Variants in ILDR1 observed in about 807,000 individuals in gnomAD.
ILDR1 encodes the protein immunoglobulin-like domain-containing receptor 1.
In ILDR1, 56 loss-of-function variants were observed where a neutral mutation model predicts 62.4. The ratio of observed to expected loss-of-function variants is 0.90; its 90% CI spans 0.72 to 1.12. The LOEUF is 1.12. ILDR1 is among the 50% of genes most tolerant of loss of function. ILDR1 has a pLI of 0.00. For missense variants in ILDR1, 736 were observed against 710.6 expected (o/e 1.04, Z -0.41); for synonymous variants, 284 against 277.8 (o/e 1.02, Z -0.22).
chr3:121,991,641 A>G (rs1465309816), intron 7 of ILDR1, among the ~76,000 whole-genome samples: 1 of 152,198 alleles, frequency 6.6e-6, no homozygotes, highest in Non-Finnish European at 1.5e-5. Context: ...TATTTTGTTG[A>G]TCCTTGTCAC....
the ILDR1 span, among the ~76,000 whole-genome samples, chr3:122,031,584 C>T: frequency 6.6e-6 from 1 of 152,274 alleles, no homozygotes; most frequent in Admixed American, 6.5e-5. Context: ...GTGATTAGGT[C>T]ATGAGGTTGG....
At chr3:121,996,498 C>T (rs1457667894) in intron 5 of ILDR1, among the ~76,000 whole-genome samples, 1 of 152,210 alleles carries the variant, frequency 6.6e-6, no homozygotes, top group Non-Finnish European at 1.5e-5. Context: ...TCCCTGAAAA[C>T]AGCCTCACGG....
chr3:122,000,460 T>C (rs970821080), intron 5 of ILDR1, among the ~76,000 whole-genome samples: 4 of 152,238 alleles, frequency 2.6e-5, no homozygotes, highest in African/African-American at 9.6e-5. Context: ...GTGGCACACC[T>C]GGAGAGGACA....
chr3:122,051,233 T>G, the ILDR1 span, among the ~76,000 whole-genome samples: 1 of 152,226 alleles, frequency 6.6e-6, no homozygotes. Context: ...ACCCTTCTCT[T>G]TCTTGGACTG....
chr3:122,012,672 A>G (rs2071721751), intron 1 of ILDR1, among the ~76,000 whole-genome samples: 2 of 152,196 alleles, frequency 1.3e-5, no homozygotes, highest in African/African-American at 4.8e-5. Context: ...TGAGCATAAA[A>G]AAATGTCCCC....
intron 1 of ILDR1, among the ~76,000 whole-genome samples, chr3:122,009,415 T>C (rs551181897): frequency 2.1e-5 from 3 of 142,070 alleles, no homozygotes; most frequent in South Asian, 4.9e-4. Context: ...TAATATTTAC[T>C]TGAATTTTGG....
At position 122,022,029 on chromosome 3, in the gene ILDR1, G is replaced by A. The variant is rs758546534; in HGVS notation, c.49C>T (p.Leu17Phe). The A allele has an allele frequency of 5.0e-6, 8 of 1,611,330 alleles. No individual in the cohort carries two copies. Among genetic ancestry groups the A allele is most frequent in the Non-Finnish European group, 6.8e-6 (8 of 1,178,872 alleles). ...TTTTTCCAAGGCTCACCTGCTGGGAGCCAGGTGCAGAGCAGCAGCCAAGGT... is the reference window on the plus strand; with the variant it reads ...TTTTTCCAAGGCTCACCTGCTGGGAACCAGGTGCAGAGCAGCAGCCAAGGT... Reference protein sequence around the residue: ...PAPWLLLCTWLPAGCLSLLVT... With the variant: ...PAPWLLLCTWFPAGCLSLLVT... The change falls in exon 1 of 8, where the codon CTC becomes TTC. Residue 17 changes from leucine (L) to phenylalanine (F), a missense_variant. Transcript: ENST00000344209.
the ILDR1 span, chr3:122,055,440 G>C: frequency 6.3e-7 from 1 of 1,599,066 alleles, no homozygotes; most frequent in Non-Finnish European, 8.6e-7. Flanking sequence ...ACAGACACAC[G>C]GATGAGTGGG....
the ILDR1 span, among the ~76,000 whole-genome samples, chr3:122,048,535 C>T: frequency 6.6e-6 from 1 of 152,162 alleles, no homozygotes; most frequent in Admixed American, 6.5e-5. Flanking sequence ...TAGAATTCAC[C>T]AGTGAAGTCA....
At chr3:122,011,546 CA>C (rs1398530283) in intron 1 of ILDR1, among the ~76,000 whole-genome samples, 2 of 152,026 alleles carry the variant, frequency 1.3e-5, no homozygotes, top group African/African-American at 2.4e-5. Context: ...CCAGGTTCAA[CA>C]AGTTCTGGCC....
At chr3:122,055,882 G>GA in the ILDR1 span, among the ~76,000 whole-genome samples, 1 of 152,084 alleles carries the variant, frequency 6.6e-6, no homozygotes, top group Non-Finnish European at 1.5e-5. Flanking sequence ...GGAGGAATGA[G>GA]ATAGAGAAGG....
At chr3:122,051,058 C>G in the ILDR1 span, among the ~76,000 whole-genome samples, 8 of 152,266 alleles carry the variant, frequency 5.3e-5, no homozygotes, top group East Asian at 1.5e-3. Context: ...TTGTTGCTTT[C>G]AAAATTCTCT....
At chr3:122,034,558 T>G in the ILDR1 span, among the ~76,000 whole-genome samples, 3 of 152,210 alleles carry the variant, frequency 2.0e-5, no homozygotes, top group African/African-American at 4.8e-5. Context: ...GCTAGAAAAC[T>G]TTAATAAATT....
chr3:122,051,766 C>G, the ILDR1 span, among the ~76,000 whole-genome samples: 1 of 152,188 alleles, frequency 6.6e-6, no homozygotes, highest in Non-Finnish European at 1.5e-5. Context: ...TTCTTCCAGT[C>G]TTTACCAGCC....
chr3:122,021,796 T>A (rs971911150), intron 1 of ILDR1, among the ~76,000 whole-genome samples: 18 of 152,250 alleles, frequency 1.2e-4, no homozygotes, highest in Admixed American at 1.2e-3. Flanking sequence ...GTTTCTCAGT[T>A]GCACCTGTTT....
At chr3:122,000,356 A>C (rs1181923230) in intron 5 of ILDR1, among the ~76,000 whole-genome samples, 1 of 152,198 alleles carries the variant, frequency 6.6e-6, no homozygotes, top group Admixed American at 6.5e-5. Flanking sequence ...CAATGACTTA[A>C]TCAATCATGC....
At chr3:122,049,343 ATTC>A in the ILDR1 span, among the ~76,000 whole-genome samples, 1 of 152,198 alleles carries the variant, frequency 6.6e-6, no homozygotes, top group Admixed American at 6.5e-5. Flanking sequence ...AAAAATGTGA[ATTC>A]TTCTGCTATT....
At chr3:122,054,295 G>C in the ILDR1 span, among the ~76,000 whole-genome samples, 1 of 151,866 alleles carries the variant, frequency 6.6e-6, no homozygotes, top group African/African-American at 2.4e-5. Context: ...GGTGTTTTCA[G>C]CCATGGCTTC....
intron 2 of ILDR1, among the ~76,000 whole-genome samples, chr3:122,005,786 C>T (rs2071598982): frequency 6.6e-6 from 1 of 152,116 alleles, no homozygotes; most frequent in African/African-American, 2.4e-5. Flanking sequence ...GTAGTCCCAG[C>T]TACTCGGGAG....
Sources: gnomAD v4.1 joint callset for allele counts (sites outside exome capture counted in the v4.1 genomes callset) on GRCh38, gnomAD v4.1.1 for gene constraint, MANE v1.5 for transcripts, NCBI Gene and HGNC (gene_info 2026-07-23, HGNC 2026-07-21) for gene names.